BMP5: variants seen among roughly 807,000 people sequenced by gnomAD.
BMP5 encodes bone morphogenetic protein 5.
BMP5 carries 23 observed loss-of-function variants against 46.6 expected under a neutral mutation model. The observed-to-expected ratio is 0.49, with a 90% CI of 0.35 to 0.70. BMP5 has a LOEUF of 0.70. BMP5 is among the 30% of genes least tolerant of loss of function. BMP5 has a pLI of 0.00. For synonymous variants in BMP5, 204 were observed against 191.9 expected (o/e 1.06, Z -0.52); for missense variants, 545 against 565.6 (o/e 0.96, Z 0.37).
chr6:55,835,674 T>A (rs1156997831), intron 1 of BMP5, among the ~76,000 whole-genome samples: 3 of 152,222 alleles, frequency 2.0e-5, no homozygotes, highest in African/African-American at 7.2e-5. Context: ...TGTCTGAGGC[T>A]TGGATTATGT....
At chr6:55,838,720 C>A (rs530186054) in intron 1 of BMP5, among the ~76,000 whole-genome samples, 1 of 152,190 alleles carries the variant, frequency 6.6e-6, no homozygotes, top group East Asian at 1.9e-4. Context: ...TTTAAAAAAT[C>A]CTTATCATTT....
At chr6:55,798,062 C>T (rs1775760327) in intron 2 of BMP5, among the ~76,000 whole-genome samples, 1 of 152,164 alleles carries the variant, frequency 6.6e-6, no homozygotes, top group African/African-American at 2.4e-5. Context: ...CAGGCTCTCT[C>T]CTTGGCTTGT....
chr6:55,848,468 A>T (rs1441878734), intron 1 of BMP5, among the ~76,000 whole-genome samples: 1 of 152,004 alleles, frequency 6.6e-6, no homozygotes, highest in Non-Finnish European at 1.5e-5. Context: ...ACATTTATAC[A>T]CATACATGTA....
At chr6:55,769,209 A>C (rs1205713518) in intron 4 of BMP5, among the ~76,000 whole-genome samples, 1 of 151,910 alleles carries the variant, frequency 6.6e-6, no homozygotes. Flanking sequence ...TGTAGTGTGC[A>C]AGGCTGTTTG....
chr6:55,783,645 T>A (rs146995502), intron 3 of BMP5, among the ~76,000 whole-genome samples: 386 of 152,176 alleles, frequency 2.5e-3, no homozygotes, highest in African/African-American at 9.0e-3. Context: ...TAGTGTATGA[T>A]GACAATAAGT....
Position 55,755,651 on chromosome 6 carries a change from T to C in BMP5, c.1247A>G (p.Lys416Arg). ...TAATTTGGTTGGAGCACAACAAGGC[T>C]TTGGTACGTGGTCAGGAAACATCAG... ...VHLMFPDHVP[K>R]PCCAPTKLNA... Residue 416 changes from lysine to arginine, a missense_variant, in exon 7 of 7, where the codon AAG becomes AGG. Lys to Arg is a conservative substitution (Grantham distance 26). Coordinates refer to ENST00000370830, the MANE Select transcript of BMP5 (RefSeq NM_021073.4). The C allele has an allele frequency of 6.2e-7, 1 of 1,612,474 alleles. No homozygotes were observed. The highest frequency in any genetic ancestry group is 8.5e-7 in the Non-Finnish European group (1 of 1,178,918).
chr6:55,789,138 C>T (rs867896606), intron 3 of BMP5, among the ~76,000 whole-genome samples: 6 of 151,802 alleles, frequency 4.0e-5, no homozygotes, highest in East Asian at 1.9e-4. Flanking sequence ...TCTGACAAAA[C>T]GACATTTTGA....
At chr6:55,767,549 T>TATTAAGTG (rs943222121) in intron 4 of BMP5, among the ~76,000 whole-genome samples, 1 of 151,102 alleles carries the variant, frequency 6.6e-6, no homozygotes, top group African/African-American at 2.4e-5. Context: ...CAGTATTAGA[T>TATTAAGTG]ATTAAGTGAT....
At chr6:55,786,733 T>A (rs1242569381) in intron 3 of BMP5, among the ~76,000 whole-genome samples, 1 of 151,680 alleles carries the variant, frequency 6.6e-6, no homozygotes, top group Admixed American at 6.6e-5. Flanking sequence ...ATCATAAGTG[T>A]ATATCTTCTT....
intron 3 of BMP5, among the ~76,000 whole-genome samples, chr6:55,787,932 A>T (rs1775486741): frequency 6.6e-6 from 1 of 151,630 alleles, no homozygotes; most frequent in African/African-American, 2.4e-5. Context: ...TACATGGTGG[A>T]GATTTTATAT....
chr6:55,849,313 T>C (rs867727349), intron 1 of BMP5, among the ~76,000 whole-genome samples: 3 of 152,048 alleles, frequency 2.0e-5, no homozygotes, highest in African/African-American at 7.2e-5. Context: ...AAAGGTCTTC[T>C]TATGTATGTG....
chr6:55,831,655 A>C (rs959457748), intron 1 of BMP5, among the ~76,000 whole-genome samples: 3 of 151,954 alleles, frequency 2.0e-5, no homozygotes, highest in African/African-American at 7.2e-5. Flanking sequence ...TAAAAAAAAA[A>C]TGTCCAGAAT....
At chr6:55,808,855 C>T (rs1354202749) in intron 2 of BMP5, among the ~76,000 whole-genome samples, 1 of 152,100 alleles carries the variant, frequency 6.6e-6, no homozygotes, top group Non-Finnish European at 1.5e-5. Context: ...GATTTGCATG[C>T]TGTTGTGGTT....
chr6:55,867,527 G>A (rs1777677329), intron 1 of BMP5, among the ~76,000 whole-genome samples: 2 of 152,086 alleles, frequency 1.3e-5, no homozygotes, highest in South Asian at 4.1e-4. Flanking sequence ...GGTGGGGCAG[G>A]CGGGAAGGGA....
At chr6:55,771,457 C>A (rs228146) in intron 4 of BMP5, among the ~76,000 whole-genome samples, 61,948 of 151,594 alleles carry the variant, frequency 0.41, 13,332 homozygotes, top group East Asian at 0.59. Flanking sequence ...CTGCAGGAAA[C>A]CTGGAAGTAA....
At chr6:55,788,010 C>G (rs1775488938) in intron 3 of BMP5, among the ~76,000 whole-genome samples, 1 of 151,514 alleles carries the variant, frequency 6.6e-6, no homozygotes, top group Non-Finnish European at 1.5e-5. Context: ...TCAAAGACTA[C>G]TAATATTTAT....
chr6:55,832,382 C>T (rs1418710419), intron 1 of BMP5, among the ~76,000 whole-genome samples: 1 of 152,156 alleles, frequency 6.6e-6, no homozygotes, highest in African/African-American at 2.4e-5. Context: ...GGCAGATCCC[C>T]CAAATCCCCA....
intron 1 of BMP5, among the ~76,000 whole-genome samples, chr6:55,860,016 C>A (rs1326567990): frequency 2.6e-5 from 4 of 152,174 alleles, no homozygotes; most frequent in Admixed American, 6.5e-5. Flanking sequence ...TGGCTCATGC[C>A]TATAATCCCA....
At chr6:55,807,993 G>C (rs1562048107) in intron 2 of BMP5, among the ~76,000 whole-genome samples, 1 of 152,192 alleles carries the variant, frequency 6.6e-6, no homozygotes, top group East Asian at 1.9e-4. Flanking sequence ...AAAGCACTTT[G>C]ACTGTTCCTT....
Sources: allele counts gnomAD v4.1 joint callset (sites outside exome capture counted in the v4.1 genomes callset), GRCh38; gene constraint gnomAD v4.1.1; transcripts MANE v1.5; gene names NCBI Gene and HGNC (gene_info 2026-07-23, HGNC 2026-07-21).